PPFIA2: variants seen among roughly 807,000 people sequenced by gnomAD.
PPFIA2 encodes the protein liprin-alpha-2.
A neutral mutation model predicts 175.5 loss-of-function variants in PPFIA2; 46 were observed. The observed-to-expected ratio is 0.26, with a 90% CI of 0.21 to 0.34. The LOEUF is 0.34. Among genes scored for constraint, PPFIA2 ranks in the 10% least tolerant of loss-of-function variants. The pLI is 1.00. For missense variants in PPFIA2, 1,179 were observed against 1,506.1 expected (o/e 0.78, Z 3.60); for synonymous variants, 568 against 511.4 (o/e 1.11, Z -1.49).
In PPFIA2 at chr12:81,263,892, T is replaced by C. The variant is rs2036426648; in HGVS notation, c.3556-502A>G. Among the ~76,000 whole-genome samples, 3 of 152,172 alleles carry C rather than the reference T, an allele frequency of 2.0e-5. No individual in the cohort carries two copies. The South Asian group carries it at 6.2e-4, about 32-fold the overall frequency. On this transcript the variant is annotated intron_variant, in intron 30 of 32. Transcript: ENST00000549396. The stretch of plus-strand genomic sequence containing the variant: ...GGCTAATATGAGACACTGTAGCCTA[T>C]TATAATATCTGTACAAGAAACTCTA...
intron 4 of PPFIA2, among the ~76,000 whole-genome samples, chr12:81,637,092 G>A (rs1306219103): frequency 2.0e-5 from 3 of 150,068 alleles, no homozygotes; most frequent in Non-Finnish European, 4.4e-5. Flanking sequence ...TTTGTGAGAC[G>A]GAGTTTCACT....
intron 6 of PPFIA2, among the ~76,000 whole-genome samples, chr12:81,442,144 C>A (rs1035215730): frequency 9.2e-5 from 14 of 151,826 alleles, no homozygotes; most frequent in Non-Finnish European, 1.8e-4. Flanking sequence ...ATTTATCCAA[C>A]AATATGAAAA....
chr12:81,716,927 T>A (rs2153623751), intron 3 of PPFIA2, among the ~76,000 whole-genome samples: 1 of 151,578 alleles, frequency 6.6e-6, no homozygotes, highest in South Asian at 2.1e-4. Flanking sequence ...GAAAAAAGAT[T>A]TTTCTGAATA....
chr12:81,448,389 C>T (rs940764985), intron 5 of PPFIA2, among the ~76,000 whole-genome samples: 4 of 152,180 alleles, frequency 2.6e-5, no homozygotes, highest in South Asian at 2.1e-4. Context: ...TATAATCTCC[C>T]CCTGGATTAT....
chr12:81,385,967 T>A (rs777688840), intron 8 of PPFIA2, among the ~76,000 whole-genome samples: 3 of 152,026 alleles, frequency 2.0e-5, no homozygotes, highest in Non-Finnish European at 4.4e-5. Flanking sequence ...ATATGTACAT[T>A]TATTATTTGT....
intron 4 of PPFIA2, among the ~76,000 whole-genome samples, chr12:81,669,925 T>A (rs934478130): frequency 3.3e-5 from 5 of 152,008 alleles, no homozygotes; most frequent in African/African-American, 1.2e-4. Flanking sequence ...ATAAAACCTG[T>A]CCTTGGTTCA....
intron 4 of PPFIA2, among the ~76,000 whole-genome samples, chr12:81,499,860 T>A (rs770297706): frequency 3.9e-4 from 60 of 152,074 alleles, no homozygotes; most frequent in Non-Finnish European, 6.9e-4. Flanking sequence ...GTTTTTCATA[T>A]GAGATTCTGT....
At chr12:81,749,699 A>G (rs2083500615) in intron 3 of PPFIA2, among the ~76,000 whole-genome samples, 1 of 144,016 alleles carries the variant, frequency 6.9e-6, no homozygotes, top group Non-Finnish European at 1.6e-5. Flanking sequence ...TCCATATTTA[A>G]TTTTTTATAC....
intron 4 of PPFIA2, among the ~76,000 whole-genome samples, chr12:81,544,561 C>T (rs2066702192): frequency 6.6e-6 from 1 of 152,084 alleles, no homozygotes; most frequent in Non-Finnish European, 1.5e-5. Flanking sequence ...TAATTTGATT[C>T]TACATGAAAA....
Position 81,315,770 on chromosome 12 carries a change from T to G in PPFIA2, c.2642+10007A>C, listed in dbSNP as rs150338782. ...GGTGACATCAAGAACTGCTTAAAAT[T>G]CCTACTTAAAGACAGATGATGGGGC... On this transcript the variant is annotated intron_variant, in intron 22 of 32. Transcript: ENST00000549396. Among the ~76,000 whole-genome samples the G allele has an allele frequency of 6.3e-3, 961 of 151,814 alleles. 3 individuals are homozygous for G. The highest frequency in any genetic ancestry group is 0.01 in the Middle Eastern group (3 of 294).
intron 4 of PPFIA2, among the ~76,000 whole-genome samples, chr12:81,658,493 A>T (rs1259583825): frequency 6.6e-6 from 1 of 151,982 alleles, no homozygotes; most frequent in Non-Finnish European, 1.5e-5. Flanking sequence ...AGCTGTATTC[A>T]TCCATCTGTT....
At chr12:81,275,297 G>T (rs889430628) in intron 28 of PPFIA2, among the ~76,000 whole-genome samples, 1 of 152,190 alleles carries the variant, frequency 6.6e-6, no homozygotes, top group African/African-American at 2.4e-5. Flanking sequence ...TCGAAGTAAT[G>T]CATCAAATGA....
At chr12:81,684,704 A>G (rs1464151876) in intron 3 of PPFIA2, among the ~76,000 whole-genome samples, 1 of 152,096 alleles carries the variant, frequency 6.6e-6, no homozygotes, top group Admixed American at 6.6e-5. Flanking sequence ...TGAATGCTTG[A>G]AAGAAGCTTT....
At chr12:81,362,005 GTATC>G (rs5799523) in intron 15 of PPFIA2, among the ~76,000 whole-genome samples, 71,396 of 147,326 alleles carry the variant, frequency 0.48, 17,400 homozygotes, top group Middle Eastern at 0.52. Flanking sequence ...ATGTATCTAT[GTATC>G]TATCTATCTA....
intron 4 of PPFIA2, among the ~76,000 whole-genome samples, chr12:81,481,110 G>T (rs182041354): frequency 1.3e-5 from 2 of 152,120 alleles, no homozygotes; most frequent in Admixed American, 1.3e-4. Context: ...GAGAAACAGA[G>T]AGCCAAATCA....
chr12:81,461,981 C>T (rs531470033), intron 4 of PPFIA2, among the ~76,000 whole-genome samples: 10 of 151,846 alleles, frequency 6.6e-5, no homozygotes, highest in Admixed American at 3.3e-4. Context: ...TAGGTCTTAG[C>T]ATAGTTCCTG....
chr12:81,379,639 G>T (rs1012301546), intron 9 of PPFIA2, among the ~76,000 whole-genome samples: 68 of 152,100 alleles, frequency 4.5e-4, no homozygotes, highest in Non-Finnish European at 8.4e-4. Context: ...GTATGAGATT[G>T]TCTATTTTTC....
chr12:81,296,286 T>A (rs552331558), intron 23 of PPFIA2, among the ~76,000 whole-genome samples: 108 of 152,268 alleles, frequency 7.1e-4, no homozygotes, highest in African/African-American at 2.6e-3. Flanking sequence ...GCCACTGCAA[T>A]CCAGCCTAGG....
intron 3 of PPFIA2, among the ~76,000 whole-genome samples, chr12:81,691,687 A>G (rs1302488268): frequency 6.6e-6 from 1 of 152,138 alleles, no homozygotes; most frequent in African/African-American, 2.4e-5. Context: ...TGTCTTTCAC[A>G]TAAGATTAAT....
Sources: gnomAD v4.1 joint callset for allele counts (sites outside exome capture counted in the v4.1 genomes callset) on GRCh38, gnomAD v4.1.1 for gene constraint, MANE v1.5 for transcripts, NCBI Gene and HGNC (gene_info 2026-07-23, HGNC 2026-07-21) for gene names.